Variants in SNX14 observed in about 807,000 individuals in gnomAD.
SNX14 encodes the protein sorting nexin 14, also known as sorting nexin-14.
In SNX14, 93 loss-of-function variants were observed where a neutral mutation model predicts 133.8. The observed-to-expected ratio is 0.70, with a 90% confidence interval of 0.59 to 0.83. The LOEUF (loss-of-function observed/expected upper bound fraction) is 0.83. SNX14 is among the 40% of genes least tolerant of loss of function. The pLI is 0.00. For synonymous variants in SNX14, 368 were observed against 365.6 expected, an observed-to-expected ratio of 1.01 and a Z score of -0.07; for missense variants, 945 against 1,094.9, an observed-to-expected ratio of 0.86 and a Z score of 1.93.
intron 1 of SNX14, among the ~76,000 whole-genome samples, chr6:85,587,207 C>CAA (rs61330164): frequency 1.4e-5 from 2 of 147,056 alleles, no homozygotes; most frequent in Non-Finnish European, 1.5e-5. Context: ...AAAGATAAGG[C>CAA]AAAAAAAAAA....
At position 85,593,769 on chromosome 6, in the gene SNX14, G is replaced by A. The variant is rs761688177; in HGVS notation, c.-51C>T. ...CGCTACTGGCTGAGGCAGAGGTCAA[G>A]GCGACCCCCCATCCACACCTCGCGT... On this transcript the variant is annotated 5_prime_UTR_variant, in exon 1 of 29. Transcript: ENST00000314673. 1.3e-6 allele frequency: 2 copies of A among 1,599,808 alleles called. No individual in the cohort carries two copies. Among genetic ancestry groups the A allele is most frequent in the African/African-American group, 1.4e-5 (1 of 73,538 alleles).
intron 26 of SNX14, among the ~76,000 whole-genome samples, chr6:85,513,214 G>A (rs531683144): frequency 6.6e-6 from 1 of 152,250 alleles, no homozygotes; most frequent in South Asian, 2.1e-4. Flanking sequence ...TCACAGTTAA[G>A]AGGTTACTAC....
intron 21 of SNX14, among the ~76,000 whole-genome samples, chr6:85,520,363 CTTT>C (rs72488681): frequency 7.4e-6 from 1 of 135,688 alleles, no homozygotes; most frequent in African/African-American, 2.7e-5. Context: ...TATTTTTTAC[CTTT>C]TTTTTTTTTT....
chr6:85,574,232 T>C (rs759989624), intron 2 of SNX14, 26 bp downstream of exon 2: 6 of 1,534,722 alleles, frequency 3.9e-6, no homozygotes, highest in Non-Finnish European at 5.3e-6. Context: ...ACATTGATTC[T>C]TAACAATAAG....
chr6:85,538,758 T>A, intron 16 of SNX14, 80 bp downstream of exon 16: 1 of 1,312,762 alleles, frequency 7.6e-7, no homozygotes, highest in East Asian at 2.6e-5. Flanking sequence ...ATTTTTTTCC[T>A]TTTTATTTGT....
chr6:85,568,128 T>C (rs915138311), intron 4 of SNX14: 3 of 150,212 alleles, frequency 2.0e-5, no homozygotes, highest in African/African-American at 7.6e-5. Flanking sequence ...GAAAAACTTA[T>C]TATTAGAATG....
At chr6:85,585,990 G>A (rs868111910) in intron 1 of SNX14, among the ~76,000 whole-genome samples, 1,742 of 74,652 alleles carry the variant, frequency 0.023, 23 homozygotes, top group African/African-American at 0.064. Flanking sequence ...CCCGCAACAG[G>A]AAAAAAAAAA....
chr6:85,586,008 A>G (rs1280036667), intron 1 of SNX14, among the ~76,000 whole-genome samples: 1 of 151,568 alleles, frequency 6.6e-6, no homozygotes, highest in Non-Finnish European at 1.5e-5. Flanking sequence ...AAAAAAAAAA[A>G]CTAAATCTAA....
At position 85,578,042 on chromosome 6, in the gene SNX14, A is replaced by AG. The variant is rs1386930775; in HGVS notation, c.141-3665dup. Among the ~76,000 whole-genome samples, 6 of 152,300 alleles carry AG rather than the reference A, an allele frequency of 3.9e-5. No homozygotes were observed. In the South Asian group the frequency reaches 6.2e-4, roughly 16 times the overall value. On this transcript the variant is annotated intron_variant, in intron 1 of 28. Coordinates refer to ENST00000314673, the MANE Select transcript of SNX14 (RefSeq NM_153816.6). The stretch of plus-strand genomic sequence containing the variant: ...AAAGGAGAGCTAACACAGTAACTGG[A>AG]GGGGGAGAGTAAGTTAAGGTTTTTG...
At chr6:85,548,582 A>G (rs1786580872) in intron 8 of SNX14, among the ~76,000 whole-genome samples, 1 of 152,192 alleles carries the variant, frequency 6.6e-6, no homozygotes, top group African/African-American at 2.4e-5. Flanking sequence ...TTGAATAGCA[A>G]AGAGTTAGAG....
At chr6:85,579,667 A>C (rs552811583) in intron 1 of SNX14, among the ~76,000 whole-genome samples, 1 of 152,378 alleles carries the variant, frequency 6.6e-6, no homozygotes, top group Admixed American at 6.5e-5. Context: ...GGAAGAACTT[A>C]GCCGATGCCC....
intron 17 of SNX14, among the ~76,000 whole-genome samples, chr6:85,535,529 C>T (rs888737989): frequency 5.5e-5 from 8 of 145,902 alleles, no homozygotes; most frequent in South Asian, 2.2e-4. Flanking sequence ...GGCAGGAGCC[C>T]GGGAGGCGGA....
At chr6:85,552,702 A>T (rs1003905120) in intron 7 of SNX14, among the ~76,000 whole-genome samples, 2 of 152,128 alleles carry the variant, frequency 1.3e-5, no homozygotes, top group African/African-American at 4.8e-5. Context: ...AGAAACCTGG[A>T]CCCCCATTAG....
intron 5 of SNX14, among the ~76,000 whole-genome samples, chr6:85,566,845 T>C (rs1292951472): frequency 6.6e-6 from 1 of 152,036 alleles, no homozygotes; most frequent in Non-Finnish European, 1.5e-5. Context: ...TTTAAGAAAA[T>C]ATGTATTTAT....
intron 23 of SNX14, 46 bp from the exon 24 acceptor site, chr6:85,514,675 T>C (rs1582498272): frequency 6.4e-7 from 1 of 1,559,680 alleles, no homozygotes; most frequent in East Asian, 2.3e-5. Context: ...GTTTATTACA[T>C]CTGCTGACGA....
intron 6 of SNX14, among the ~76,000 whole-genome samples, chr6:85,559,321 C>T (rs4626396): frequency 0.1 from 15,883 of 152,136 alleles, 1,181 homozygotes; most frequent in Admixed American, 0.23. Flanking sequence ...TCATATTTAT[C>T]AAATAAACAA....
chr6:85,526,953 CA>C (rs1423214540), intron 20 of SNX14, among the ~76,000 whole-genome samples: 4 of 152,152 alleles, frequency 2.6e-5, no homozygotes, highest in Admixed American at 6.5e-5. Context: ...CCTGTAATCC[CA>C]GCTACTTGGG....
chr6:85,578,814 G>A (rs771996291), intron 1 of SNX14, among the ~76,000 whole-genome samples: 2 of 152,124 alleles, frequency 1.3e-5, no homozygotes, highest in Non-Finnish European at 2.9e-5. Flanking sequence ...GTTGACACTG[G>A]TGAGTAAGTG....
chr6:85,593,531 G>A, intron 1 of SNX14, 48 bp downstream of exon 1: 7 of 1,572,758 alleles, frequency 4.5e-6, no homozygotes, highest in Non-Finnish European at 6.0e-6. Flanking sequence ...CCGGGCGTCT[G>A]CACCTTCGGA....
Sources: allele counts gnomAD v4.1 joint callset (sites outside exome capture counted in the v4.1 genomes callset), GRCh38; gene constraint gnomAD v4.1.1; transcripts MANE v1.5; gene names NCBI Gene and HGNC (gene_info 2026-07-23, HGNC 2026-07-21).